Variants in ZNF83 observed in about 807,000 individuals in gnomAD.
ZNF83 encodes zinc finger protein 83, also known as zinc finger protein 816B.
For missense variants in ZNF83, 552 were observed against 629.9 expected (o/e 0.88, Z 1.32); for synonymous variants, 209 against 213.0 (o/e 0.98, Z 0.17).
chr19:52,673,500 T>TCACACA (rs3055356), intron 1 of ZNF83, among the ~76,000 whole-genome samples: 21 of 148,930 alleles, frequency 1.4e-4, no homozygotes, highest in Admixed American at 1.1e-3. Context: ...TGTAACTCCA[T>TCACACA]CACACACACA....
intron 1 of ZNF83, among the ~76,000 whole-genome samples, chr19:52,684,353 G>A (rs1322796109): frequency 2.0e-5 from 3 of 151,800 alleles, no homozygotes; most frequent in Non-Finnish European, 4.4e-5. Context: ...GTGACAGAGT[G>A]AGACTCAAAA....
chr19:52,648,429 T>C (rs999154146), intron 3 of ZNF83, among the ~76,000 whole-genome samples: 4 of 152,130 alleles, frequency 2.6e-5, no homozygotes, highest in Admixed American at 2.0e-4. Context: ...AGACACTTTT[T>C]AAATTCCAGA....
exon 3 of ZNF83, chr19:52,614,213 CT>C: frequency 6.2e-7 from 1 of 1,614,060 alleles, no homozygotes; most frequent in Non-Finnish European, 8.5e-7. Flanking sequence ...AATTGCGTCT[CT>C]TTAGTATGGA....
chr19:52,639,413 C>CTTTTTTCTTTTTT (rs1206783591), upstream of ZNF83, among the ~76,000 whole-genome samples: 1 of 53,882 alleles, frequency 1.9e-5, no homozygotes, highest in African/African-American at 9.1e-5. Flanking sequence ...TTAGTTTTTT[C>CTTTTTTCTTTTTT]TATTTTTTTT....
chr19:52,640,089 G>C (rs2061279398), upstream of ZNF83, among the ~76,000 whole-genome samples: 1 of 152,138 alleles, frequency 6.6e-6, no homozygotes, highest in South Asian at 2.1e-4. Flanking sequence ...CAGAGGGAGG[G>C]GGAAAACCCT....
intron 2 of ZNF83, among the ~76,000 whole-genome samples, chr19:52,622,748 G>A (rs532101642): frequency 6.6e-6 from 1 of 152,114 alleles, no homozygotes; most frequent in Non-Finnish European, 1.5e-5. Context: ...TTCTCAATAT[G>A]CATTTTATCA....
rs1321685373 is a variant in ZNF83, at chr19:52,614,644, TGA to T, written c.-82_-81del. On this transcript the variant is annotated 5_prime_UTR_variant, in exon 3 of 3. It introduces an in-frame stop codon into an upstream open reading frame of the 5' UTR. Coordinates refer to ENST00000301096, the Ensembl canonical transcript of ZNF83. ...TCTTCAATCATGTTTCCACAGACAC[TGA>T]GAGTCATGTACATTTTTCTGGGTTT... 1 of 1,420,368 alleles carries T rather than the reference TGA, an allele frequency of 7.0e-7. No homozygotes were observed. The highest frequency in any genetic ancestry group is 9.3e-7 in the Non-Finnish European group (1 of 1,080,874). 88.0% of individuals were successfully genotyped at this position (1,420,368 alleles called of 1,614,324 possible).
chr19:52,687,278 C>A, intron 1 of ZNF83, among the ~76,000 whole-genome samples: 1 of 142,052 alleles, frequency 7.0e-6, no homozygotes, highest in African/African-American at 2.6e-5. Context: ...TCCTTTGAGC[C>A]CAGGATTTTG....
chr19:52,626,388 G>C (rs1373019646), intron 2 of ZNF83, among the ~76,000 whole-genome samples: 2 of 152,182 alleles, frequency 1.3e-5, no homozygotes, highest in Non-Finnish European at 2.9e-5. Context: ...TTTAAATGAA[G>C]AGTATTGTTT....
intron 1 of ZNF83, among the ~76,000 whole-genome samples, chr19:52,661,947 G>T (rs927290756): frequency 6.6e-6 from 1 of 152,126 alleles, no homozygotes; most frequent in Admixed American, 6.5e-5. Context: ...CCAGGTGAAG[G>T]CCCTGAGACA....
chr19:52,637,194 A>G (rs1470929635), intron 1 of ZNF83: 2 of 151,840 alleles, frequency 1.3e-5, no homozygotes, highest in Non-Finnish European at 2.9e-5. Context: ...CAATCGTTCT[A>G]TCGTCCTCAA....
At chr19:52,676,713 A>T (rs2061816506) in intron 1 of ZNF83, among the ~76,000 whole-genome samples, 1 of 137,372 alleles carries the variant, frequency 7.3e-6, no homozygotes, top group Admixed American at 7.2e-5. Flanking sequence ...AAGATTGAGA[A>T]ATCGGATGGT....
chr19:52,680,049 C>T (rs1359884415), intron 1 of ZNF83, among the ~76,000 whole-genome samples: 1 of 152,066 alleles, frequency 6.6e-6, no homozygotes, highest in Non-Finnish European at 1.5e-5. Context: ...CGTAGTGGCA[C>T]ATGCTGGTAA....
intron 2 of ZNF83, among the ~76,000 whole-genome samples, chr19:52,624,162 C>A (rs1041166228): frequency 6.6e-6 from 1 of 152,158 alleles, no homozygotes; most frequent in Non-Finnish European, 1.5e-5. Context: ...CTTTTCACTC[C>A]TCTGCTTCCT....
chr19:52,641,121 A>G (rs179321), upstream of ZNF83, among the ~76,000 whole-genome samples: 121,753 of 148,600 alleles, frequency 0.82, 49,994 homozygotes, highest in African/African-American at 0.95. Flanking sequence ...GCCCTTTCCC[A>G]TTGTATGGCC....
intron 2 of ZNF83, among the ~76,000 whole-genome samples, chr19:52,626,259 C>A (rs2060732745): frequency 6.6e-6 from 1 of 152,100 alleles, no homozygotes; most frequent in African/African-American, 2.4e-5. Flanking sequence ...ACTAGCATTA[C>A]AGATATATCA....
chr19:52,666,169 A>AG (rs2061649088), intron 1 of ZNF83, among the ~76,000 whole-genome samples: 1 of 151,374 alleles, frequency 6.6e-6, no homozygotes, highest in Non-Finnish European at 1.5e-5. Context: ...ATCTCAAAAA[A>AG]AAAAAAAAAG....
At chr19:52,656,239 T>C (rs973246972) in intron 2 of ZNF83, among the ~76,000 whole-genome samples, 2 of 145,462 alleles carry the variant, frequency 1.4e-5, no homozygotes, top group Non-Finnish European at 3.1e-5. Flanking sequence ...TATATATATA[T>C]AGCCAGGCAT....
At chr19:52,680,314 T>C (rs1250755072) in intron 1 of ZNF83, among the ~76,000 whole-genome samples, 2 of 152,182 alleles carry the variant, frequency 1.3e-5, no homozygotes, top group African/African-American at 2.4e-5. Context: ...TCTAGGTACC[T>C]GTAGCTCTCC....
Sources: gnomAD v4.1 joint callset for allele counts (sites outside exome capture counted in the v4.1 genomes callset) on GRCh38, gnomAD v4.1.1 for gene constraint, MANE v1.5 for transcripts, NCBI Gene and HGNC (gene_info 2026-07-23, HGNC 2026-07-21) for gene names.